Variants in NAV1 observed in about 807,000 individuals in gnomAD.
NAV1 encodes neuron navigator 1.
A neutral mutation model predicts 175.2 loss-of-function variants in NAV1; 18 were observed. The observed-to-expected ratio is 0.10, with a 90% CI of 0.07 to 0.15. The LOEUF is 0.15. Among genes scored for constraint, NAV1 ranks in the 10% least tolerant of loss-of-function variants. The pLI is 1.00. For missense variants in NAV1, 1,731 were observed against 2,436.6 expected (o/e 0.71, Z 6.10); for synonymous variants, 897 against 978.7 (o/e 0.92, Z 1.56).
In NAV1 at chr1:201,782,076, C is replaced by G; in HGVS notation, c.1664-100C>G. 1.8e-6 allele frequency: 2 copies of G among 1,082,496 alleles called. No individual in the cohort carries two copies. The highest frequency in any genetic ancestry group is 3.1e-5 in the South Asian group (2 of 63,696). The allele number at this position is 1,082,496 out of a possible 1,614,324, so 67.1% of individuals were successfully genotyped here. On this transcript the variant is annotated intron_variant, in intron 5 of 29. Coordinates refer to ENST00000367296, the Ensembl canonical transcript of NAV1. This position sits in a 1 kb window ranked among gnomAD's most constrained non-coding sequence, Gnocchi z 5.4. The stretch of plus-strand genomic sequence containing the variant: ...TTTAGGCCTCTAAAAGTCTACAATA[C>G]ATGGACAATGTTCCCTTCTCCCATG...
chr1:201,783,765 C>T (rs1676504871), exon 7 of NAV1: 2 of 1,614,020 alleles, frequency 1.2e-6, no homozygotes, highest in Non-Finnish European at 8.5e-7. Context: ...CCCGTCCCCA[C>T]CCCACCTGCT....
chr1:201,742,437 G>T (rs1032882658), intron 3 of NAV1, among the ~76,000 whole-genome samples: 3 of 152,156 alleles, frequency 2.0e-5, no homozygotes, highest in Non-Finnish European at 4.4e-5. Flanking sequence ...TTCTTCTCTG[G>T]ATGCCTGGGA....
intron 1 of NAV1, among the ~76,000 whole-genome samples, chr1:201,669,464 C>T (rs1355620416): frequency 6.6e-6 from 1 of 151,590 alleles, no homozygotes; most frequent in Non-Finnish European, 1.5e-5. Flanking sequence ...GGCAGTGGTG[C>T]AACATGAAGC....
In NAV1 at chr1:201,807,642, A is replaced by T. The variant is rs1349454582; in HGVS notation, c.3649-311A>T. 1.3e-5 allele frequency among the ~76,000 whole-genome samples: 2 copies of T among 152,100 alleles called. No individual in the cohort carries two copies. The stretch of plus-strand genomic sequence containing the variant: ...GCCTACAACATCAGCAAGCTAGAAG[A>T]TTCTGTTCTTTCTCTTGGTCCTAAT... On this transcript the variant is annotated intron_variant, in intron 17 of 29. Transcript: ENST00000367296. This position sits in a 1 kb window ranked among gnomAD's most constrained non-coding sequence, Gnocchi z 5.4.
intron 1 of NAV1, among the ~76,000 whole-genome samples, chr1:201,561,211 T>C (rs982476538): frequency 2.0e-5 from 3 of 152,220 alleles, no homozygotes; most frequent in Non-Finnish European, 4.4e-5. Flanking sequence ...GCAGTCCCTC[T>C]TGCTGCTGGG....
At chr1:201,545,704 A>C (rs1008392267) in intron 1 of NAV1, among the ~76,000 whole-genome samples, 11 of 152,252 alleles carry the variant, frequency 7.2e-5, no homozygotes, top group Non-Finnish European at 1.5e-5. Flanking sequence ...AGCCATAGGC[A>C]GATCACCTAT....
At chr1:201,824,686 T>C (rs1010670787) in exon 30 of NAV1, 3 of 152,036 alleles carry the variant, frequency 2.0e-5, no homozygotes, top group Non-Finnish European at 4.4e-5. Flanking sequence ...TTCTTCATGA[T>C]TATACCATGG....
At chr1:201,622,968 C>T in exon 1 of NAV1, 1 of 986,384 alleles carries the variant, frequency 1.0e-6, no homozygotes, top group Non-Finnish European at 1.2e-6. Context: ...CTTCCCAGAC[C>T]AGGATTCCTA....
chr1:201,662,021 C>T (rs1427578433), intron 1 of NAV1, among the ~76,000 whole-genome samples: 1 of 152,226 alleles, frequency 6.6e-6, no homozygotes, highest in Non-Finnish European at 1.5e-5. Context: ...AGTAATTTCC[C>T]CAAGGTCACA....
chr1:201,574,096 A>C (rs1666625728), intron 1 of NAV1, among the ~76,000 whole-genome samples: 3 of 152,014 alleles, frequency 2.0e-5, no homozygotes, highest in Non-Finnish European at 2.9e-5. Context: ...AATAAACTGA[A>C]GAGTTCTATT....
At chr1:201,566,893 T>G (rs868464985) in intron 1 of NAV1, among the ~76,000 whole-genome samples, 2 of 152,138 alleles carry the variant, frequency 1.3e-5, no homozygotes, top group Admixed American at 6.5e-5. Context: ...TCTCAGATGT[T>G]TTTCTGTATC....
chr1:201,544,391 T>C (rs954351710), intron 1 of NAV1, among the ~76,000 whole-genome samples: 2 of 152,222 alleles, frequency 1.3e-5, no homozygotes. Flanking sequence ...TTAAAATCCA[T>C]TTGTAAATAG....
chr1:201,591,807 G>A (rs906355425), intron 2 of NAV1, among the ~76,000 whole-genome samples: 31 of 152,106 alleles, frequency 2.0e-4, no homozygotes, highest in African/African-American at 6.8e-4. Context: ...AAGCTGAATC[G>A]TGAGACAGGG....
intron 3 of NAV1, among the ~76,000 whole-genome samples, chr1:201,728,599 CAA>C (rs1278753255): frequency 3.1e-4 from 18 of 58,738 alleles, no homozygotes; most frequent in South Asian, 4.5e-4. Context: ...CATCGCAAAA[CAA>C]AAAAAAAAAA....
chr1:201,744,443 G>T (rs752760070), intron 3 of NAV1, among the ~76,000 whole-genome samples: 2 of 152,156 alleles, frequency 1.3e-5, no homozygotes, highest in Admixed American at 6.5e-5. Flanking sequence ...AAGGCAGACC[G>T]TAGTCCCTGC....
intron 7 of NAV1, 64 bp downstream of exon 11, chr1:201,783,916 C>T: frequency 7.0e-7 from 1 of 1,419,836 alleles, no homozygotes; most frequent in South Asian, 1.3e-5. Context: ...TTGCCATTGG[C>T]AATACTATCC....
rs1665433603 is a variant in NAV1, at chr1:201,539,345, G to A, written c.-144+3G>A. Among the ~76,000 whole-genome samples, 1 of 151,926 alleles carries A rather than the reference G, an allele frequency of 6.6e-6. No homozygotes were observed. The highest frequency in any genetic ancestry group is 1.5e-5 in the Non-Finnish European group (1 of 67,950). On this transcript the variant is annotated splice_donor_region_variant and intron_variant, in intron 1 of 33. Coordinates refer to the NAV1 transcript ENST00000685211. The surrounding 1 kb of genome is among the most constrained non-coding windows in gnomAD (Gnocchi z 5.6). ...AGCCCGGGCGGGCAGGCGCTCCGGT[G>A]AGTGGCCGGCGCGGGGCGGTCGCGC...
chr1:201,679,214 T>C (rs1670374892), intron 1 of NAV1, among the ~76,000 whole-genome samples: 1 of 152,136 alleles, frequency 6.6e-6, no homozygotes, highest in African/African-American at 2.4e-5. Context: ...CCGGCAGTGG[T>C]CTCATTTACA....
At chr1:201,695,632 C>T (rs1345367413) in intron 1 of NAV1, among the ~76,000 whole-genome samples, 1 of 152,218 alleles carries the variant, frequency 6.6e-6, no homozygotes, top group Non-Finnish European at 1.5e-5. Context: ...CCGAAGGTGC[C>T]TGGTGACTGC....
Sources: gnomAD v4.1 joint callset for allele counts (sites outside exome capture counted in the v4.1 genomes callset) on GRCh38, gnomAD v4.1.1 for gene constraint, Gnocchi (gnomAD v3.1) non-coding constraint, MANE v1.5 for transcripts, NCBI Gene and HGNC (gene_info 2026-07-23, HGNC 2026-07-21) for gene names.